The following FAM107B variants were observed in gnomAD, a reference collection of about 807,000 sequenced individuals.
FAM107B encodes the protein family with sequence similarity 107 member B, also known as protein FAM107B.
Under a neutral mutation model 31.5 loss-of-function variants are expected in FAM107B, and 21 were observed. That is an observed-to-expected ratio of 0.67 (90% CI 0.47 to 0.96). The LOEUF (loss-of-function observed/expected upper bound fraction) is 0.96. FAM107B is among the 40% of genes least tolerant of loss of function. The probability of loss-of-function intolerance (pLI) is 0.00; values close to 1 mark genes in which losing one functional copy is unlikely to be tolerated. For synonymous variants in FAM107B, 157 were observed against 141.5 expected (o/e 1.11, Z -0.78); for missense variants, 452 against 377.1 (o/e 1.20, Z -1.64).
At chr10:14,572,244 A>T (rs1283246648) in intron 2 of FAM107B, 1 of 985,352 alleles carries the variant, frequency 1.0e-6, no homozygotes, top group African/African-American at 1.7e-5. Flanking sequence ...AGACCAAGAG[A>T]ACGTGCTGGC....
In FAM107B at chr10:14,587,237, T is replaced by A. The variant is rs144529632; in HGVS notation, c.470-56722A>T. Reference sequence around the variant, plus strand: ...TCATCGTCCTTCTAATGCGCCAGTGTCGGAACTAATAAATGACAACATACA... The same window carrying A: ...TCATCGTCCTTCTAATGCGCCAGTGACGGAACTAATAAATGACAACATACA... On this transcript the variant is annotated intron_variant, in intron 2 of 4. Transcript: ENST00000181796. Among the ~76,000 whole-genome samples, 571 of 152,222 alleles carry A rather than the reference T, an allele frequency of 3.8e-3. 4 individuals carry two copies. Among genetic ancestry groups the A allele is most frequent in the African/African-American group, 0.013 (540 of 41,556 alleles).
intron 1 of FAM107B, among the ~76,000 whole-genome samples, chr10:14,759,185 T>TAAATAA (rs1832991778): frequency 7.4e-6 from 1 of 135,336 alleles, no homozygotes; most frequent in Non-Finnish European, 1.7e-5. Flanking sequence ...TCTCAAAAAA[T>TAAATAA]AAATAAATAA....
chr10:14,594,644 A>G (rs1852127426), intron 2 of FAM107B, among the ~76,000 whole-genome samples: 2 of 152,226 alleles, frequency 1.3e-5, no homozygotes, highest in South Asian at 4.1e-4. Context: ...ACACAGCTCC[A>G]TGAGAAGAAG....
At chr10:14,530,103 G>C in intron 3 of FAM107B, 1 of 448,830 alleles carries the variant, frequency 2.2e-6, no homozygotes, top group Non-Finnish European at 4.1e-6. Context: ...GGGAACCCGT[G>C]ACTGCAGGAG....
In FAM107B at chr10:14,546,405, ATTAC is replaced by A. The variant is rs151029066; in HGVS notation, c.470-15894_470-15891del. Among the ~76,000 whole-genome samples the A allele has an allele frequency of 4.5e-3, 678 of 152,334 alleles. 17 individuals carry two copies. The highest frequency in any genetic ancestry group is 0.031 in the Admixed American group (479 of 15,306). On this transcript the variant is annotated intron_variant, in intron 2 of 4. Coordinates refer to ENST00000181796, the MANE Select transcript of FAM107B (RefSeq NM_031453.4). ...CACCGTGAGTAACACCACCATTAAC[ATTAC>A]CTCTGGATCAGTAACTGGATGGCAT... is the stretch of plus-strand genomic sequence containing the variant.
In FAM107B at chr10:14,762,754, T is replaced by TCTCA. The variant is rs1833077989; in HGVS notation, c.411+11498_411+11499insTGAG. On this transcript the variant is annotated intron_variant, in intron 1 of 4. Coordinates refer to ENST00000181796, the MANE Select transcript of FAM107B (RefSeq NM_031453.4). ...CTGGGAGACAGAGTGAAACTCTGTC[T>TCTCA]CACACACACACACACACACACACAC... 1.0e-4 allele frequency among the ~76,000 whole-genome samples: 12 copies of TCTCA among 116,236 alleles called. No homozygotes were observed. The South Asian group carries it at 3.5e-3, about 34-fold the overall frequency. The allele number at this position is 116,236 out of a possible 152,430, so 76.3% of individuals were successfully genotyped here.
intron 1 of FAM107B, among the ~76,000 whole-genome samples, chr10:14,688,957 T>A (rs890905942): frequency 6.6e-6 from 1 of 152,216 alleles, no homozygotes; most frequent in African/African-American, 2.4e-5. Context: ...AAAGGAGGAC[T>A]TTATTGTAAT....
chr10:14,529,621 A>C (rs1487897808), intron 3 of FAM107B: 1 of 152,090 alleles, frequency 6.6e-6, no homozygotes, highest in Admixed American at 6.6e-5. Context: ...AAATAATCCT[A>C]AATGAAGCTT....
At chr10:14,567,584 G>A (rs967966848) in intron 2 of FAM107B, among the ~76,000 whole-genome samples, 2 of 152,170 alleles carry the variant, frequency 1.3e-5, no homozygotes, top group Non-Finnish European at 2.9e-5. Flanking sequence ...AGAAGTCCAG[G>A]GACAGGCATG....
chr10:14,585,851 C>T (rs1365676303), intron 2 of FAM107B, among the ~76,000 whole-genome samples: 4 of 152,142 alleles, frequency 2.6e-5, no homozygotes, highest in Non-Finnish European at 5.9e-5. Context: ...TATTAATTGT[C>T]GACCACAGCA....
At chr10:14,612,182 T>A (rs929535341) in intron 2 of FAM107B, among the ~76,000 whole-genome samples, 6 of 152,196 alleles carry the variant, frequency 3.9e-5, no homozygotes, top group African/African-American at 1.4e-4. Context: ...TAGAGAAGTG[T>A]GTGACCCACA....
intron 2 of FAM107B, among the ~76,000 whole-genome samples, chr10:14,535,731 G>T (rs1847540159): frequency 6.6e-6 from 1 of 152,228 alleles, no homozygotes; most frequent in African/African-American, 2.4e-5. Flanking sequence ...CTCACTGAAA[G>T]ATTTTCAAGC....
intron 2 of FAM107B, among the ~76,000 whole-genome samples, chr10:14,608,543 G>C (rs1404386040): frequency 1.3e-5 from 2 of 152,220 alleles, no homozygotes; most frequent in Non-Finnish European, 2.9e-5. Flanking sequence ...CTTGCCCTGG[G>C]TGGTCTCAAA....
chr10:14,654,194 T>C (rs1193422618), intron 2 of FAM107B, among the ~76,000 whole-genome samples: 1 of 152,038 alleles, frequency 6.6e-6, no homozygotes, highest in Non-Finnish European at 1.5e-5. Flanking sequence ...CCTAGATTTT[T>C]ACATGAAATT....
intron 2 of FAM107B, among the ~76,000 whole-genome samples, chr10:14,603,855 G>GCGAGGGGCGC (rs1852488305): frequency 6.6e-6 from 1 of 151,652 alleles, no homozygotes; most frequent in African/African-American, 2.4e-5. Flanking sequence ...GCGCCGCGGG[G>GCGAGGGGCGC]CGAGGGGCGC....
intron 2 of FAM107B, among the ~76,000 whole-genome samples, chr10:14,552,623 G>C (rs1849361668): frequency 6.6e-6 from 1 of 152,118 alleles, no homozygotes; most frequent in African/African-American, 2.4e-5. Context: ...GATCACTTGA[G>C]GCCAGGAGTT....
intron 2 of FAM107B, among the ~76,000 whole-genome samples, chr10:14,598,329 G>A (rs183276634): frequency 1.5e-4 from 23 of 152,264 alleles, no homozygotes; most frequent in Middle Eastern, 3.4e-3. Flanking sequence ...ACAGATGAAT[G>A]GGTAAACACA....
intron 2 of FAM107B, among the ~76,000 whole-genome samples, chr10:14,638,150 A>C (rs902663415): frequency 6.6e-6 from 1 of 152,346 alleles, no homozygotes; most frequent in African/African-American, 2.4e-5. Flanking sequence ...GAGCAGTGAT[A>C]ACAGTAATTT....
At chr10:14,559,609 ACCCAGGCTGGAGTGCAGTGGCG>A (rs1436813631) in intron 2 of FAM107B, among the ~76,000 whole-genome samples, 1 of 148,906 alleles carries the variant, frequency 6.7e-6, no homozygotes, top group East Asian at 2.0e-4. Context: ...ACCCTCTGTC[ACCCAGGCTGGAGTGCAGTGGCG>A]CAATCTCGGC....
Sources: allele counts gnomAD v4.1 joint callset (sites outside exome capture counted in the v4.1 genomes callset), GRCh38; gene constraint gnomAD v4.1.1; transcripts MANE v1.5; gene names NCBI Gene and HGNC (gene_info 2026-07-23, HGNC 2026-07-21).